Variants in MARK4 observed in about 807,000 individuals in gnomAD.
MARK4 encodes MAP/microtubule affinity-regulating kinase 4.
Under a neutral mutation model 81.5 loss-of-function variants are expected in MARK4, and 19 were observed. That is an observed-to-expected ratio of 0.23 (90% CI 0.16 to 0.34). MARK4 has a LOEUF of 0.34. Among genes scored for constraint, MARK4 ranks in the 10% least tolerant of loss-of-function variants. The probability of loss-of-function intolerance (pLI) is 1.00; values close to 1 mark genes in which losing one functional copy is unlikely to be tolerated. For missense variants in MARK4, 772 were observed against 1,058.8 expected (o/e 0.73, Z 3.76); for synonymous variants, 436 against 439.0 (o/e 0.99, Z 0.08).
chr19:45,260,519 C>A (rs1970367307), intron 2 of MARK4, among the ~76,000 whole-genome samples: 1 of 151,674 alleles, frequency 6.6e-6, no homozygotes, highest in African/African-American at 2.4e-5. Flanking sequence ...TGGCAAAACC[C>A]CATCTTTACT....
At position 45,263,380 on chromosome 19, in the gene MARK4, TGG is replaced by T. The variant is rs1242368836; in HGVS notation, c.355+15_355+16del. The T allele has an allele frequency of 1.9e-6, 3 of 1,613,868 alleles. No individual in the cohort carries two copies. The Admixed American group carries it at 5.0e-5, about 27-fold the overall frequency. On this transcript the variant is annotated intron_variant, in intron 4 of 16. Coordinates refer to ENST00000262891, the MANE Select transcript of MARK4 (RefSeq NM_001199867.2). ...CACCCCAACATCGGTGAGGAGGGAA[TGG>T]GAGCAGGGGCAGGCCACCAACTGGA...
rs1487342563 is a variant in MARK4, at chr19:45,304,441, A to G, written c.*1731A>G. ...AGGAGAAAAGGCATGGGAGCTGGAC[A>G]GATTATAGTGGTTGAAGTCTGTGCA... On this transcript the variant is annotated 3_prime_UTR_variant, in exon 17 of 17. Coordinates refer to ENST00000262891, the MANE Select transcript of MARK4 (RefSeq NM_001199867.2). The G allele has an allele frequency of 6.6e-6, 1 of 152,264 alleles. No homozygotes were observed. Among genetic ancestry groups the G allele is most frequent in the Non-Finnish European group, 1.5e-5 (1 of 68,070 alleles). The allele number at this position is 152,264 out of a possible 1,614,324, so 9.4% of individuals were successfully genotyped here.
At chr19:45,281,931 G>C (rs1270788507) in intron 12 of MARK4, among the ~76,000 whole-genome samples, 1 of 152,182 alleles carries the variant, frequency 6.6e-6, no homozygotes, top group East Asian at 1.9e-4. Flanking sequence ...TGAATACAGA[G>C]TCTGAGTTTA....
intron 6 of MARK4, among the ~76,000 whole-genome samples, chr19:45,265,834 C>T (rs577295792): frequency 6.5e-4 from 97 of 149,180 alleles, no homozygotes; most frequent in South Asian, 1.1e-3. Flanking sequence ...CCGGGCATGT[C>T]GGCTAGGAAG....
chr19:45,296,782 G>T (rs1970892957), intron 14 of MARK4, among the ~76,000 whole-genome samples: 1 of 152,186 alleles, frequency 6.6e-6, no homozygotes, highest in African/African-American at 2.4e-5. Flanking sequence ...GGGCGCAGTG[G>T]CTCACACCTG....
intron 8 of MARK4, among the ~76,000 whole-genome samples, chr19:45,276,800 ATT>A (rs879307312): frequency 5.4e-5 from 7 of 130,196 alleles, no homozygotes; most frequent in Admixed American, 1.5e-4. Flanking sequence ...TAATTTTTGT[ATT>A]TTTTTTTTTT....
Position 45,273,133 on chromosome 19 carries a change from CT to C in MARK4, c.786+1436del, listed in dbSNP as rs796309964. Among the ~76,000 whole-genome samples the C allele has an allele frequency of 2.5e-3, 366 of 144,500 alleles. 1 individual carries two copies. Among genetic ancestry groups the C allele is most frequent in the Admixed American group, 5.2e-3 (74 of 14,228 alleles). The allele number at this position is 144,500 out of a possible 152,430, so 94.8% of individuals were successfully genotyped here. A position where few individuals can be genotyped will look rare whatever the true frequency, so the allele number is the denominator to read the frequency against. Reference sequence around the variant, plus strand: ...GAGGTGTGGGCTGAGTTGTTGCTTGCTTTTTTTTTTTCCCCCTTTGAACTTT... The same window carrying C: ...GAGGTGTGGGCTGAGTTGTTGCTTGCTTTTTTTTTTCCCCCTTTGAACTTT... On this transcript the variant is annotated intron_variant, in intron 8 of 16. Transcript: ENST00000262891.
At chr19:45,255,589 G>A (rs753906869) in intron 1 of MARK4, among the ~76,000 whole-genome samples, 8 of 151,108 alleles carry the variant, frequency 5.3e-5, no homozygotes, top group African/African-American at 9.7e-5. Flanking sequence ...AAAAATACTG[G>A]TGGAAACTGT....
intron 13 of MARK4, 79 bp downstream of exon 13, chr19:45,287,743 C>T (rs1970764878): frequency 6.8e-7 from 1 of 1,477,048 alleles, no homozygotes; most frequent in Non-Finnish European, 9.3e-7. Flanking sequence ...CATCTCATTC[C>T]CCAGACGGAA....
intron 14 of MARK4, among the ~76,000 whole-genome samples, chr19:45,297,397 C>T (rs117686934): frequency 4.8e-4 from 73 of 152,092 alleles, no homozygotes; most frequent in African/African-American, 1.6e-3. Flanking sequence ...TCAGTTGCTG[C>T]GTTTAGAGAG....
intron 1 of MARK4, among the ~76,000 whole-genome samples, chr19:45,256,873 AT>A (rs1970313867): frequency 6.6e-6 from 1 of 152,138 alleles, no homozygotes; most frequent in Non-Finnish European, 1.5e-5. Flanking sequence ...TCTCTGTCAC[AT>A]TTTGGTAATT....
intron 12 of MARK4, among the ~76,000 whole-genome samples, chr19:45,282,201 C>T (rs1163026570): frequency 6.8e-6 from 1 of 147,396 alleles, no homozygotes; most frequent in South Asian, 2.1e-4. Context: ...CCAGCCTGGG[C>T]AACAGAGAGA....
intron 12 of MARK4, among the ~76,000 whole-genome samples, chr19:45,285,327 C>T (rs893754625): frequency 2.7e-5 from 4 of 150,714 alleles, no homozygotes; most frequent in African/African-American, 9.7e-5. Context: ...TTGGTCCACT[C>T]ATCAGGATCA....
rs149628060 is a variant in MARK4 at position 45,300,213 on chromosome 19, C to T, written c.1922+358C>T. On this transcript the variant is annotated intron_variant, in intron 16 of 16. Transcript: ENST00000262891. The stretch of plus-strand genomic sequence containing the variant: ...TACAAAAATTAGCCGGGCGTAGTGG[C>T]GCATGCCTGTAATCCCAACTACTCG... Among the ~76,000 whole-genome samples the T allele has an allele frequency of 5.3e-3, 812 of 152,106 alleles. 7 individuals carry two copies. The highest frequency in any genetic ancestry group is 8.0e-3 in the Non-Finnish European group (545 of 67,980).
Position 45,301,557 on chromosome 19 carries a change from C to CAAAAAAAAAAAAAAAAAAAAAAAAAAAAA in MARK4, c.1923-795_1923-794insAAAAAAAAAAAAAAAAAAAAAAAAAAAAA. ...GGGCGACAAGAGCGAAACTCTGTCT[C>CAAAAAAAAAAAAAAAAAAAAAAAAAAAAA]AAAAAAAAAAAAAAAAAAAAAAGCC... On this transcript the variant is annotated intron_variant, in intron 16 of 16. Transcript: ENST00000262891. Among the ~76,000 whole-genome samples the CAAAAAAAAAAAAAAAAAAAAAAAAAAAAA allele has an allele frequency of 4.0e-5, 2 of 49,520 alleles. 1 individual carries two copies. Among genetic ancestry groups the CAAAAAAAAAAAAAAAAAAAAAAAAAAAAA allele is most frequent in the Non-Finnish European group, 6.8e-5 (2 of 29,424 alleles). 32.5% of individuals were successfully genotyped at this position (49,520 alleles called of 152,430 possible).
chr19:45,254,421 C>T (rs1599775242), intron 1 of MARK4, among the ~76,000 whole-genome samples: 2 of 152,154 alleles, frequency 1.3e-5, no homozygotes, highest in Non-Finnish European at 2.9e-5. Context: ...TGGTGGGGAT[C>T]GGAGGCCTTA....
chr19:45,263,729 G>A (rs931250163), intron 4 of MARK4, among the ~76,000 whole-genome samples: 2 of 147,650 alleles, frequency 1.4e-5, no homozygotes, highest in African/African-American at 2.5e-5. Context: ...GCAATAAAGC[G>A]AGACTTCATC....
At position 45,297,658 on chromosome 19, in the gene MARK4, G is replaced by T; in HGVS notation, c.1599-18G>T. 6.7e-7 allele frequency: 1 copy of T among 1,503,748 alleles called. No individual in the cohort carries two copies. The allele number at this position is 1,503,748 out of a possible 1,614,324, so 93.2% of individuals were successfully genotyped here. On this transcript the variant is annotated intron_variant, in intron 14 of 16. Transcript: ENST00000262891. ...CTGCCTCAGTCCCCCACCCTGACTT[G>T]TCTGTCTCTGCCCACAGCTCAGGCA...
chr19:45,280,683 C>A lies in MARK4; in HGVS notation c.1225C>A (p.Gln409Lys). 1.2e-6 allele frequency: 2 copies of A among 1,614,184 alleles called. No homozygotes were observed. The highest frequency in any genetic ancestry group is 1.7e-6 in the Non-Finnish European group (2 of 1,180,038). The change falls in exon 12 of 17, where the codon CAG becomes AAG. Residue 409 changes from glutamine to lysine, a missense_variant. Transcript: ENST00000262891. ...SSKGTSHSKGQRSSSSTYHRQ... is the reference protein window; with the variant it reads ...SSKGTSHSKGKRSSSSTYHRQ... ...CAAAGGCACCAGCCACAGCAAAGGG[C>A]AGCGGAGTTCCTCTTCCACCTACCA...
Sources: gnomAD v4.1 joint callset for allele counts (sites outside exome capture counted in the v4.1 genomes callset) on GRCh38, gnomAD v4.1.1 for gene constraint, MANE v1.5 for transcripts, NCBI Gene and HGNC (gene_info 2026-07-23, HGNC 2026-07-21) for gene names.